PKD1L1: variants seen among roughly 807,000 people sequenced by gnomAD.
The protein encoded by PKD1L1 is polycystin 1 like 1, transient receptor potential channel interacting, also known as polycystin-1-like protein 1.
Under a neutral mutation model 323.4 loss-of-function variants are expected in PKD1L1, and 236 were observed. The ratio of observed to expected loss-of-function variants is 0.73; its 90% CI spans 0.66 to 0.81. The LOEUF (loss-of-function observed/expected upper bound fraction) is 0.81. PKD1L1 is among the 40% of genes least tolerant of loss of function. PKD1L1 has a pLI of 0.00. For synonymous variants in PKD1L1, 1,344 were observed against 1,335.0 expected (o/e 1.01, Z -0.15); for missense variants, 3,320 against 3,508.0 (o/e 0.95, Z 1.35).
chr7:47,833,379 A>AGT, intron 40 of PKD1L1, 127 bp from the exon 41 acceptor site: 1 of 1,028,852 alleles, frequency 9.7e-7, no homozygotes, highest in East Asian at 2.6e-5. Context: ...TGTGGTGCTG[A>AGT]GGCCTCTAAA....
At chr7:47,863,658 G>T (rs896420457) in intron 26 of PKD1L1, among the ~76,000 whole-genome samples, 1 of 152,152 alleles carries the variant, frequency 6.6e-6, no homozygotes, top group Non-Finnish European at 1.5e-5. Flanking sequence ...TGGCCAGATA[G>T]AGATCTGCTG....
intron 13 of PKD1L1, 124 bp from the exon 14 acceptor site, chr7:47,898,318 G>T: frequency 1.3e-6 from 1 of 753,682 alleles, no homozygotes; most frequent in Non-Finnish European, 2.1e-6. Flanking sequence ...TGACAGAATG[G>T]TATTCTTAGG....
intron 8 of PKD1L1, among the ~76,000 whole-genome samples, chr7:47,910,320 G>A (rs1407624392): frequency 6.6e-6 from 1 of 151,526 alleles, no homozygotes; most frequent in Non-Finnish European, 1.5e-5. Context: ...CCAAATCTTA[G>A]GCATATCTTA....
intron 8 of PKD1L1, among the ~76,000 whole-genome samples, chr7:47,908,550 C>T (rs542624418): frequency 3.3e-5 from 5 of 152,132 alleles, no homozygotes; most frequent in Admixed American, 2.0e-4. Flanking sequence ...TTGTGAATTA[C>T]GTTGCCAATC....
chr7:47,931,312 T>C lies in PKD1L1; in HGVS notation c.529A>G (p.Thr177Ala), dbSNP rs1583684071. The change falls in exon 6 of 57, where the codon ACC becomes GCC. Residue 177 changes from threonine to alanine, a missense_variant. Thr to Ala is a moderately conservative substitution (Grantham distance 58, BLOSUM62 0). Transcript: ENST00000289672. ...CTGCAGGGAGCTGCTGCAGAAGTGG[T>C]GCCCTGGAGCTTAAAAGTTTAAGAA... ...TFSALLQLQG[T>A]TSAAAPCSLK... 2 of 1,614,182 alleles carry C rather than the reference T, an allele frequency of 1.2e-6. No homozygotes were observed. The highest frequency in any genetic ancestry group is 8.5e-7 in the Non-Finnish European group (1 of 1,180,030).
At chr7:47,813,862 G>T in intron 48 of PKD1L1, 69 bp downstream of exon 48, 1 of 1,315,896 alleles carries the variant, frequency 7.6e-7, no homozygotes, top group Non-Finnish European at 1.1e-6. Flanking sequence ...CCAGGGTCCT[G>T]CCCCAATGTT....
upstream of PKD1L1, among the ~76,000 whole-genome samples, chr7:47,950,195 G>A (rs1041219739): frequency 1.3e-5 from 2 of 152,132 alleles, no homozygotes; most frequent in African/African-American, 4.8e-5. Flanking sequence ...AGTCCACTGG[G>A]TAAAGACACC....
chr7:47,837,217 T>TAAGCA, intron 36 of PKD1L1, 123 bp from the exon 37 acceptor site: 1 of 1,094,364 alleles, frequency 9.1e-7, no homozygotes, highest in Non-Finnish European at 1.3e-6. Context: ...CCATCCTAGC[T>TAAGCA]GCTTAGCTGT....
intron 8 of PKD1L1, 85 bp from the exon 9 acceptor site, chr7:47,908,335 G>A: frequency 7.7e-7 from 1 of 1,304,846 alleles, no homozygotes; most frequent in South Asian, 1.4e-5. Context: ...TCAAAATGGG[G>A]TGATTAATAT....
chr7:47,846,528 C>G (rs999515538), intron 32 of PKD1L1, among the ~76,000 whole-genome samples: 9 of 152,254 alleles, frequency 5.9e-5, no homozygotes, highest in African/African-American at 1.9e-4. Context: ...GATGTCAGCA[C>G]TTCTATGATA....
At chr7:47,838,524 T>C (rs2128737323) in intron 36 of PKD1L1, among the ~76,000 whole-genome samples, 1 of 147,262 alleles carries the variant, frequency 6.8e-6, no homozygotes, top group Middle Eastern at 3.4e-3. Flanking sequence ...GGCCACTATA[T>C]AGCCCTGAAA....
At position 47,877,562 on chromosome 7, in the gene PKD1L1, G is replaced by T. The variant is rs1786436212; in HGVS notation, c.3590C>A (p.Ala1197Asp). The T allele has an allele frequency of 7.4e-6, 12 of 1,614,100 alleles. No homozygotes were observed. Among genetic ancestry groups the T allele is most frequent in the Non-Finnish European group, 9.3e-6 (11 of 1,179,992 alleles). ...ACCATGGTGGGGCTGCACCTGACAGGCCATGTCCCGAGGAGCCGGGTTGAC... is the reference window on the plus strand; with the variant it reads ...ACCATGGTGGGGCTGCACCTGACAGTCCATGTCCCGAGGAGCCGGGTTGAC... ...LTVNPAPRDM[A>D]CQVQPHHGLE... The change falls in exon 22 of 57, where the codon GCC becomes GAC. Residue 1197 changes from alanine to aspartate, a missense_variant. Coordinates refer to ENST00000289672, the MANE Select transcript of PKD1L1 (RefSeq NM_138295.5).
intron 56 of PKD1L1, among the ~76,000 whole-genome samples, chr7:47,777,040 C>T (rs991708229): frequency 6.6e-6 from 1 of 152,088 alleles, no homozygotes; most frequent in Admixed American, 6.5e-5. Flanking sequence ...TACAAGCATG[C>T]GCCACCACAT....
chr7:47,856,265 C>G (rs1022873972), intron 28 of PKD1L1, among the ~76,000 whole-genome samples: 19 of 152,158 alleles, frequency 1.2e-4, no homozygotes, highest in Admixed American at 2.6e-4. Context: ...TCTGGAACTC[C>G]TGACCTTAGG....
intron 43 of PKD1L1, 95 bp from the exon 44 acceptor site, chr7:47,829,696 T>C: frequency 7.7e-7 from 1 of 1,293,814 alleles, no homozygotes; most frequent in Admixed American, 2.3e-5. Context: ...TGAACAGGAC[T>C]CCATCTCCCA....
At chr7:47,924,742 T>C (rs2128754339) in intron 7 of PKD1L1, among the ~76,000 whole-genome samples, 1 of 152,280 alleles carries the variant, frequency 6.6e-6, no homozygotes, top group Non-Finnish European at 1.5e-5. Context: ...AAGAAAAATA[T>C]TTAGTCTGTG....
chr7:47,883,532 T>C (rs1786611803), intron 19 of PKD1L1, among the ~76,000 whole-genome samples: 1 of 152,232 alleles, frequency 6.6e-6, no homozygotes, highest in Non-Finnish European at 1.5e-5. Context: ...TCCCTGCAGC[T>C]TCCCCATGTG....
intron 43 of PKD1L1, among the ~76,000 whole-genome samples, 182 bp from the exon 44 acceptor site, chr7:47,829,783 C>G (rs558322331): frequency 6.6e-6 from 1 of 152,178 alleles, no homozygotes; most frequent in African/African-American, 2.4e-5. Context: ...CCCAAGAGAC[C>G]TAAATTCTCT....
chr7:47,809,769 C>T (rs546934978), intron 50 of PKD1L1, 192 bp from the exon 51 acceptor site: 5 of 440,554 alleles, frequency 1.1e-5, no homozygotes, highest in Non-Finnish European at 2.0e-5. Context: ...GGTGCCTCTC[C>T]ACAAGTCAAG....
Sources: gnomAD v4.1 joint callset for allele counts (sites outside exome capture counted in the v4.1 genomes callset) on GRCh38, gnomAD v4.1.1 for gene constraint, MANE v1.5 for transcripts, NCBI Gene and HGNC (gene_info 2026-07-23, HGNC 2026-07-21) for gene names.